Variants in OMA1 observed in about 807,000 individuals in gnomAD.
OMA1 encodes OMA1 zinc metallopeptidase.
A neutral mutation model predicts 30.9 loss-of-function variants in OMA1; 38 were observed. The observed-to-expected ratio is 1.23, with a 90% CI of 0.95 to 1.61. OMA1 has a LOEUF of 1.61. Ranked by LOEUF, OMA1 falls within the 40% of genes most tolerant of loss-of-function variation. The pLI is 0.00. For missense variants in OMA1, 461 were observed against 349.2 expected (o/e 1.32, Z -2.55); for synonymous variants, 173 against 121.9 (o/e 1.42, Z -2.76).
intron 8 of OMA1, among the ~76,000 whole-genome samples, chr1:58,505,618 T>G (rs1645975853): frequency 6.6e-6 from 1 of 151,916 alleles, no homozygotes; most frequent in African/African-American, 2.4e-5. Context: ...TTTTTTTTCC[T>G]AAAAAAACAA....
intron 6 of OMA1, among the ~76,000 whole-genome samples, 162 bp downstream of exon 6, chr1:58,530,439 A>G (rs1356428385): frequency 1.3e-5 from 2 of 152,234 alleles, no homozygotes; most frequent in Admixed American, 6.5e-5. Context: ...ATATTCATAT[A>G]TAAGAATATC....
intron 8 of OMA1, among the ~76,000 whole-genome samples, chr1:58,503,546 A>C (rs1358377146): frequency 6.6e-6 from 1 of 152,108 alleles, no homozygotes; most frequent in Middle Eastern, 3.2e-3. Context: ...TCCAACTCCC[A>C]ATGTGATGGT....
At position 58,539,031 on chromosome 1, in the gene OMA1, C is replaced by T. The variant is rs781665717; in HGVS notation, c.264G>A (p.Lys88=). Residue 88 remains lysine (K), a synonymous_variant, in exon 2 of 9, where the codon AAG becomes AAA. Coordinates refer to ENST00000371226, the MANE Select transcript of OMA1 (RefSeq NM_145243.5). ...RTGGLSSTKS[K]EIWRITSKCT... ...ATTTGCTGGTAATCCTCCAAATTTC[C>T]TTACTTTTGGTACTTGAGAGGCCTC... The T allele has an allele frequency of 1.1e-6, 1 of 872,808 alleles. No homozygotes were observed. The highest frequency in any genetic ancestry group is 1.3e-5 in the South Asian group (1 of 76,534). The allele number at this position is 872,808 out of a possible 1,614,324, so 54.1% of individuals were successfully genotyped here.
At chr1:58,540,272 T>G (rs545101528) in intron 1 of OMA1, among the ~76,000 whole-genome samples, 1 of 142,356 alleles carries the variant, frequency 7.0e-6, no homozygotes, top group Non-Finnish European at 1.5e-5. Context: ...AAGCAACAAC[T>G]GCATCCCAGG....
chr1:58,525,238 T>C (rs1646331136), intron 7 of OMA1, among the ~76,000 whole-genome samples: 1 of 152,166 alleles, frequency 6.6e-6, no homozygotes, highest in Non-Finnish European at 1.5e-5. Flanking sequence ...ATTTCTAAGC[T>C]ACATGGTTCA....
intron 7 of OMA1, among the ~76,000 whole-genome samples, chr1:58,510,284 G>A (rs1646053505): frequency 6.6e-6 from 1 of 152,062 alleles, no homozygotes; most frequent in Non-Finnish European, 1.5e-5. Flanking sequence ...CACACCTCAT[G>A]ACCAAGGAGG....
At chr1:58,530,460 G>A (rs531522361) in intron 6 of OMA1, 141 bp downstream of exon 6, 6 of 528,698 alleles carry the variant, frequency 1.1e-5, no homozygotes, top group South Asian at 6.0e-5. Context: ...CCCTAAAAAC[G>A]AGAAAACATA....
rs539206571 is a variant in OMA1, at chr1:58,481,043, C to G, written c.1497G>C (p.Gln499His). ...EKEDLNITKK[Q>H]KMDTLPIQKQ... Reference sequence around the variant, plus strand: ...TTTGAATAGGAAGAGTATCCATTTTCTGTTTCTTCGTGATATTTAGGTCTT... The same window carrying G: ...TTTGAATAGGAAGAGTATCCATTTTGTGTTTCTTCGTGATATTTAGGTCTT... Residue 499 changes from glutamine (Q) to histidine (H), a missense_variant, in exon 9 of 9, where the codon CAG becomes CAC. Coordinates refer to ENST00000371226, the MANE Select transcript of OMA1 (RefSeq NM_145243.5). The G allele has an allele frequency of 1.1e-6, 1 of 871,844 alleles. No individual in the cohort carries two copies. The highest frequency in any genetic ancestry group is 1.3e-5 in the South Asian group (1 of 76,512). 54.0% of individuals were successfully genotyped at this position (871,844 alleles called of 1,614,324 possible).
At chr1:58,486,664 A>G (rs1009485951) in intron 8 of OMA1, among the ~76,000 whole-genome samples, 2 of 152,246 alleles carry the variant, frequency 1.3e-5, no homozygotes, top group African/African-American at 2.4e-5. Context: ...AGTTAAGTAC[A>G]TGAAGAAACT....
chr1:58,486,440 C>T (rs568601956), intron 8 of OMA1, among the ~76,000 whole-genome samples: 1 of 152,264 alleles, frequency 6.6e-6, no homozygotes, highest in Admixed American at 6.5e-5. Context: ...TGCTAAATTT[C>T]TATAAGGGAG....
intron 7 of OMA1, among the ~76,000 whole-genome samples, chr1:58,511,596 T>A (rs1569921691): frequency 6.6e-6 from 1 of 152,002 alleles, no homozygotes; most frequent in Non-Finnish European, 1.5e-5. Flanking sequence ...ATCACTGCAC[T>A]CTAGCCTGGG....
Position 58,480,862 on chromosome 1 carries a change from A to C in OMA1, c.*103T>G. On this transcript the variant is annotated 3_prime_UTR_variant, in exon 9 of 9. Transcript: ENST00000371226. ...TGTAATGTACATGATTTGACCCTGA[A>C]TATCCTTTTTTTTTTCACTTCAAAC... is the stretch of plus-strand genomic sequence containing the variant. The C allele has an allele frequency of 1.5e-6, 1 of 677,448 alleles. No individual in the cohort carries two copies. Among genetic ancestry groups the C allele is most frequent in the Non-Finnish European group, 2.5e-6 (1 of 406,266 alleles). 42.0% of individuals were successfully genotyped at this position (677,448 alleles called of 1,614,324 possible).
intron 8 of OMA1, among the ~76,000 whole-genome samples, chr1:58,485,892 G>T (rs1162383864): frequency 2.0e-5 from 3 of 152,136 alleles, no homozygotes; most frequent in Admixed American, 6.5e-5. Flanking sequence ...ATGTCATAGA[G>T]AAAATACTCT....
chr1:58,539,992 C>T lies in OMA1; in HGVS notation c.-16-682G>A, dbSNP rs115923917. 6.5e-3 allele frequency among the ~76,000 whole-genome samples: 997 copies of T among 152,216 alleles called. 9 individuals carry two copies. Among genetic ancestry groups the T allele is most frequent in the Middle Eastern group, 0.017 (5 of 294 alleles). On this transcript the variant is annotated intron_variant, in intron 1 of 8. Coordinates refer to ENST00000371226, the MANE Select transcript of OMA1 (RefSeq NM_145243.5). The stretch of plus-strand genomic sequence containing the variant: ...TCCCCCTCCCATATTCAGCTGAGTC[C>T]TGTCTGGGCATATGTGTAAGAAAAT...
rs775610924 is a variant in OMA1, at chr1:58,534,333, T to C, written c.730-2A>G. The C allele has an allele frequency of 3.6e-6, 3 of 837,854 alleles. No homozygotes were observed. The highest frequency in any genetic ancestry group is 2.0e-6 in the Non-Finnish European group (1 of 489,216). The allele number at this position is 837,854 out of a possible 1,614,324, so 51.9% of individuals were successfully genotyped here. A position where few individuals can be genotyped will look rare whatever the true frequency, so the allele number is the denominator to read the frequency against. ...ATCATTTTTAAATTCTTCCATCCAC[T>C]GAAAGATTAAAAATTACTTCTTATT... is the stretch of plus-strand genomic sequence containing the variant. On this transcript the variant is annotated splice_acceptor_variant, in intron 3 of 8. Coordinates refer to ENST00000371226, the MANE Select transcript of OMA1 (RefSeq NM_145243.5). LOFTEE classifies it high-confidence loss of function.
rs113316752 is a variant in OMA1, at chr1:58,520,159, C to T, written c.1215+7102G>A. Among the ~76,000 whole-genome samples, 1,201 of 152,220 alleles carry T rather than the reference C, an allele frequency of 7.9e-3. 15 individuals carry two copies. The highest frequency in any genetic ancestry group is 0.027 in the African/African-American group (1,120 of 41,538). ...ACCTTTTGGGTACCATGCTCACTAC[C>T]TCGGGGAGAGGATCATTTGTACACC... On this transcript the variant is annotated intron_variant, in intron 7 of 8. Transcript: ENST00000371226.
At chr1:58,519,141 C>A (rs1646220256) in intron 7 of OMA1, among the ~76,000 whole-genome samples, 2 of 152,150 alleles carry the variant, frequency 1.3e-5, no homozygotes, top group African/African-American at 4.8e-5. Context: ...GTATAAGGGT[C>A]ATAACAGAGA....
intron 8 of OMA1, among the ~76,000 whole-genome samples, chr1:58,492,693 A>C (rs1557439730): frequency 6.6e-6 from 1 of 152,214 alleles, no homozygotes; most frequent in Non-Finnish European, 1.5e-5. Context: ...CTGGACACAT[A>C]CAGTCTCCCA....
chr1:58,540,797 G>A (rs538612014), intron 1 of OMA1, among the ~76,000 whole-genome samples: 96 of 150,392 alleles, frequency 6.4e-4, no homozygotes, highest in Admixed American at 2.3e-3. Context: ...CCCAAAAAGC[G>A]GGGAGGAGGT....
Sources: gnomAD v4.1 joint callset for allele counts (sites outside exome capture counted in the v4.1 genomes callset) on GRCh38, gnomAD v4.1.1 for gene constraint, MANE v1.5 for transcripts, NCBI Gene and HGNC (gene_info 2026-07-23, HGNC 2026-07-21) for gene names.